The following HIP1 variants were observed in gnomAD, a reference collection of about 807,000 sequenced individuals.
The protein encoded by HIP1 is huntingtin interacting protein 1, also known as huntingtin-interacting protein 1.
HIP1 carries 65 observed loss-of-function variants against 147.6 expected under a neutral mutation model. The ratio of observed to expected loss-of-function variants is 0.44; its 90% CI spans 0.36 to 0.54. The LOEUF (loss-of-function observed/expected upper bound fraction) is 0.54, where lower values mean the gene tolerates loss of function less well. Among genes scored for constraint, HIP1 ranks in the 20% least tolerant of loss-of-function variants. The pLI is 0.00. For missense variants in HIP1, 1,061 were observed against 1,299.6 expected (o/e 0.82, Z 2.82); for synonymous variants, 479 against 504.0 (o/e 0.95, Z 0.67).
chr7:75,731,427 G>A (rs962032405), intron 1 of HIP1, among the ~76,000 whole-genome samples: 2 of 145,724 alleles, frequency 1.4e-5, no homozygotes, highest in African/African-American at 5.1e-5. Flanking sequence ...ATATTGTAGT[G>A]AGCCGAGATG....
Position 75,556,149 on chromosome 7 carries a change from G to T in HIP1, c.1704C>A (p.Ala568=). ...GCTCCTTCTCTAGCTCGGCGAACTC[G>T]GCTGCCCAGTTTGCTTCTGACTGCA... The part of the protein sequence containing the change: ...TSAQSEANWA[A]EFAELEKERD... Residue 568 remains alanine, a synonymous_variant, in exon 18 of 31, where the codon GCC becomes GCA. Transcript: ENST00000336926. The T allele has an allele frequency of 1.2e-6, 2 of 1,614,096 alleles. No individual in the cohort carries two copies. Among genetic ancestry groups the T allele is most frequent in the Non-Finnish European group, 1.7e-6 (2 of 1,180,024 alleles).
chr7:75,612,186 C>A (rs1554505110), intron 1 of HIP1, among the ~76,000 whole-genome samples: 1 of 152,162 alleles, frequency 6.6e-6, no homozygotes, highest in Non-Finnish European at 1.5e-5. Context: ...TGAGAACAGG[C>A]AGCACAGATG....
chr7:75,573,667 T>C, intron 8 of HIP1, 94 bp downstream of exon 8: 3 of 1,312,194 alleles, frequency 2.3e-6, no homozygotes, highest in South Asian at 1.3e-5. Flanking sequence ...CCAAAGGCAC[T>C]GAGAAGGACT....
chr7:75,557,833 A>G, intron 15 of HIP1, 63 bp from the exon 16 acceptor site: 1 of 1,239,094 alleles, frequency 8.1e-7, no homozygotes, highest in South Asian at 1.2e-5. Context: ...TCCTCCTTCT[A>G]GGACAATCAT....
intron 14 of HIP1, among the ~76,000 whole-genome samples, chr7:75,558,923 G>A (rs1321579353): frequency 6.6e-6 from 1 of 152,118 alleles, no homozygotes; most frequent in Non-Finnish European, 1.5e-5. Flanking sequence ...GGAGGCTGAG[G>A]CAGGACAATC....
chr7:75,599,305 G>T, intron 1 of HIP1, 58 bp from the exon 2 acceptor site: 1 of 1,338,576 alleles, frequency 7.5e-7, no homozygotes, highest in African/African-American at 1.4e-5. Flanking sequence ...CTCTGAGAGT[G>T]GCTGAGACCC....
At chr7:75,574,803 G>A (rs2116895480) in intron 7 of HIP1, among the ~76,000 whole-genome samples, 1 of 152,198 alleles carries the variant, frequency 6.6e-6, no homozygotes, top group East Asian at 1.9e-4. Context: ...TCATAACCTG[G>A]GAGAGCTCCT....
At chr7:75,726,578 C>T (rs1215772131) in intron 1 of HIP1, among the ~76,000 whole-genome samples, 1 of 152,202 alleles carries the variant, frequency 6.6e-6, no homozygotes, top group Non-Finnish European at 1.5e-5. Flanking sequence ...GCCACCATGC[C>T]TGGCCGGGCA....
At chr7:75,672,192 C>T (rs1253667652) in intron 1 of HIP1, among the ~76,000 whole-genome samples, 2 of 152,006 alleles carry the variant, frequency 1.3e-5, no homozygotes, top group Non-Finnish European at 2.9e-5. Context: ...TATTCATTTG[C>T]CTATTTTTGA....
At chr7:75,693,755 G>T in intron 1 of HIP1, among the ~76,000 whole-genome samples, 1 of 134,922 alleles carries the variant, frequency 7.4e-6, no homozygotes, top group African/African-American at 2.7e-5. Context: ...CTCACCTGTA[G>T]TCCCAGCTAC....
intron 14 of HIP1, 66 bp from the exon 15 acceptor site, chr7:75,558,321 G>T: frequency 8.1e-7 from 1 of 1,231,684 alleles, no homozygotes; most frequent in Non-Finnish European, 1.2e-6. Flanking sequence ...CTTGCAATGA[G>T]CCAGGGTCCC....
chr7:75,651,510 T>C (rs976726196), intron 1 of HIP1, among the ~76,000 whole-genome samples: 3 of 132,294 alleles, frequency 2.3e-5, no homozygotes, highest in South Asian at 2.5e-4. Flanking sequence ...CTCCACACTG[T>C]AAAAACATCC....
chr7:75,688,023 A>G (rs1800323659), intron 1 of HIP1, among the ~76,000 whole-genome samples: 1 of 151,796 alleles, frequency 6.6e-6, no homozygotes, highest in African/African-American at 2.4e-5. Context: ...ATCCTCCCCA[A>G]CTAGAAAGAG....
intron 1 of HIP1, among the ~76,000 whole-genome samples, chr7:75,730,628 C>T (rs1348379429): frequency 3.3e-5 from 5 of 151,690 alleles, no homozygotes; most frequent in African/African-American, 4.8e-5. Context: ...TGTGAGCCAC[C>T]GTGTCCAGCC....
chr7:75,543,819 AG>A (rs782632976), intron 27 of HIP1, among the ~76,000 whole-genome samples: 30 of 152,116 alleles, frequency 2.0e-4, no homozygotes, highest in Admixed American at 3.9e-4. Context: ...GAAAGCCACG[AG>A]GGACATGTGT....
At chr7:75,718,783 C>T (rs931606761) in intron 1 of HIP1, among the ~76,000 whole-genome samples, 1 of 152,124 alleles carries the variant, frequency 6.6e-6, no homozygotes, top group African/African-American at 2.4e-5. Context: ...TCTCCCAAGG[C>T]CCTCAACAAA....
rs587605156 is a variant in HIP1, at chr7:75,558,153, G to C, written c.1464+14C>G. The C allele has an allele frequency of 7.5e-6, 12 of 1,608,598 alleles. No individual in the cohort carries two copies. In the East Asian group the frequency reaches 2.5e-4, roughly 33 times the overall value. On this transcript the variant is annotated intron_variant, in intron 15 of 30. Transcript: ENST00000336926. ...CAGGGCCTGCAGGATGGTGACAGGG[G>C]CTGAGGGTCTTACCTTCCGCAGCAG...
chr7:75,672,579 C>T (rs782510787), intron 1 of HIP1, among the ~76,000 whole-genome samples: 8 of 152,150 alleles, frequency 5.3e-5, no homozygotes, highest in Non-Finnish European at 8.8e-5. Context: ...CTGCCTCCCT[C>T]GGCCTCCCAA....
chr7:75,592,539 C>T (rs370337366), intron 2 of HIP1, 25 bp from the exon 3 acceptor site: 268 of 1,605,556 alleles, frequency 1.7e-4, no homozygotes, highest in Admixed American at 8.5e-4. Context: ...TGGAAAACAA[C>T]GGATGGGCTC....
Sources: gnomAD v4.1 joint callset for allele counts (sites outside exome capture counted in the v4.1 genomes callset) on GRCh38, gnomAD v4.1.1 for gene constraint, MANE v1.5 for transcripts, NCBI Gene and HGNC (gene_info 2026-07-23, HGNC 2026-07-21) for gene names.